Variants in SNTG2 observed in about 807,000 individuals in gnomAD.
The protein encoded by SNTG2 is gamma-2-syntrophin.
In SNTG2, 74 loss-of-function variants were observed where a neutral mutation model predicts 70.9. The observed-to-expected ratio is 1.04, with a 90% CI of 0.86 to 1.27. The LOEUF is 1.27. SNTG2 is among the 50% of genes most tolerant of loss of function. The probability of loss-of-function intolerance (pLI) is 0.00; values close to 1 mark genes in which losing one functional copy is unlikely to be tolerated. For synonymous variants in SNTG2, 278 were observed against 273.8 expected (o/e 1.02, Z -0.15); for missense variants, 717 against 690.7 (o/e 1.04, Z -0.43).
chr2:1,271,206 T>G (rs556769462), intron 14 of SNTG2, among the ~76,000 whole-genome samples: 23 of 152,174 alleles, frequency 1.5e-4, no homozygotes, highest in Non-Finnish European at 2.5e-4. Context: ...CCTTCCATGT[T>G]CCAGCCTCTC....
At position 1,157,430 on chromosome 2, in the gene SNTG2, ACACT is replaced by A. The variant is rs529575532; in HGVS notation, c.412-8114_412-8111del. 2.9e-3 allele frequency among the ~76,000 whole-genome samples: 446 copies of A among 152,320 alleles called. 4 individuals carry two copies. Among genetic ancestry groups the A allele is most frequent in the African/African-American group, 8.9e-3 (369 of 41,568 alleles). On this transcript the variant is annotated intron_variant, in intron 6 of 16. Coordinates refer to ENST00000308624, the MANE Select transcript of SNTG2 (RefSeq NM_018968.4). ...TGCGTACTTGGCAAAAGCCCCCCAG[ACACT>A]CACACGTGCACAAGGATGCCAGACA...
chr2:1,287,620 C>T (rs1214733435), intron 14 of SNTG2, among the ~76,000 whole-genome samples: 1 of 152,176 alleles, frequency 6.6e-6, no homozygotes, highest in East Asian at 1.9e-4. Flanking sequence ...GGAACGTGCT[C>T]CTGATGGTGA....
chr2:1,106,308 A>G (rs73908699), intron 4 of SNTG2, among the ~76,000 whole-genome samples: 22,903 of 75,966 alleles, frequency 0.3, 1,094 homozygotes, highest in East Asian at 0.4. Context: ...GGTGCAGGGT[A>G]TGGAGAGCTC....
chr2:1,296,391 G>A (rs1390733341), intron 14 of SNTG2, among the ~76,000 whole-genome samples: 1 of 152,240 alleles, frequency 6.6e-6, no homozygotes, highest in African/African-American at 2.4e-5. Context: ...GAGGGGCAGA[G>A]GGTTGCAGAA....
chr2:1,031,707 C>T (rs1409603296), intron 1 of SNTG2, among the ~76,000 whole-genome samples: 1 of 151,054 alleles, frequency 6.6e-6, no homozygotes, highest in Non-Finnish European at 1.5e-5. Context: ...ATTTGTTTCA[C>T]ATTTCTATGT....
intron 1 of SNTG2, among the ~76,000 whole-genome samples, chr2:1,002,433 AAGT>A (rs1659426397): frequency 6.6e-6 from 1 of 152,146 alleles, no homozygotes; most frequent in African/African-American, 2.4e-5. Context: ...AAGTAGGCAA[AAGT>A]AGGCAAAAGA....
chr2:1,159,053 C>A, intron 6 of SNTG2, among the ~76,000 whole-genome samples: 1 of 150,946 alleles, frequency 6.6e-6, no homozygotes, highest in Admixed American at 6.6e-5. Context: ...TGTATGTGTC[C>A]ACGGGTGTAC....
intron 1 of SNTG2, among the ~76,000 whole-genome samples, chr2:1,047,283 G>T (rs1442356923): frequency 6.6e-6 from 1 of 152,126 alleles, no homozygotes; most frequent in Non-Finnish European, 1.5e-5. Context: ...TTTGGCTTGG[G>T]TTTCAACTTT....
At chr2:1,096,821 A>T (rs1169979106) in intron 2 of SNTG2, among the ~76,000 whole-genome samples, 1 of 152,186 alleles carries the variant, frequency 6.6e-6, no homozygotes, top group Non-Finnish European at 1.5e-5. Flanking sequence ...GTGCAGTGTC[A>T]CTGGGAAGCA....
intron 1 of SNTG2, among the ~76,000 whole-genome samples, chr2:1,034,241 A>G (rs1661005948): frequency 1.3e-5 from 2 of 152,176 alleles, no homozygotes; most frequent in Non-Finnish European, 1.5e-5. Context: ...TGCTTGGAAT[A>G]ATGGCCTCCA....
At chr2:1,007,305 C>T (rs1467954001) in intron 1 of SNTG2, among the ~76,000 whole-genome samples, 1 of 152,150 alleles carries the variant, frequency 6.6e-6, no homozygotes, top group African/African-American at 2.4e-5. Context: ...CCTAGGCCAT[C>T]ATAAATCACG....
intron 1 of SNTG2, among the ~76,000 whole-genome samples, chr2:1,023,755 T>C (rs1170528667): frequency 6.6e-6 from 1 of 152,128 alleles, no homozygotes; most frequent in Non-Finnish European, 1.5e-5. Context: ...AGCCTTAGGC[T>C]CAATGTCAAG....
intron 1 of SNTG2, among the ~76,000 whole-genome samples, chr2:983,886 A>T: frequency 6.6e-6 from 1 of 152,160 alleles, no homozygotes; most frequent in East Asian, 1.9e-4. Flanking sequence ...TGGGTGCAGA[A>T]CTCACCTGGC....
intron 1 of SNTG2, among the ~76,000 whole-genome samples, chr2:964,890 G>C (rs1443439466): frequency 6.6e-6 from 1 of 152,146 alleles, no homozygotes; most frequent in Non-Finnish European, 1.5e-5. Flanking sequence ...GAACTTGGAA[G>C]ACGGGGAGAA....
intron 1 of SNTG2, among the ~76,000 whole-genome samples, chr2:975,841 T>C (rs1434111939): frequency 6.6e-6 from 1 of 152,238 alleles, no homozygotes; most frequent in African/African-American, 2.4e-5. Context: ...CCCCAAGATC[T>C]CTTTCAAGAT....
At position 1,021,936 on chromosome 2, in the gene SNTG2, CT is replaced by C. The variant is rs71392556; in HGVS notation, c.73-61563del. Among the ~76,000 whole-genome samples, 507 of 121,112 alleles carry C rather than the reference CT, an allele frequency of 4.2e-3. 3 individuals carry two copies. Among genetic ancestry groups the C allele is most frequent in the Middle Eastern group, 0.025 (5 of 202 alleles). The allele number at this position is 121,112 out of a possible 152,430, so 79.5% of individuals were successfully genotyped here. A position where few individuals can be genotyped will look rare whatever the true frequency, so the allele number is the denominator to read the frequency against. ...CCTGGCTTGAATTTTGTTTTATGTGCTTTTTTTTTTTTTTTTTTTAGTGAAA... is the reference window on the plus strand; with the variant it reads ...CCTGGCTTGAATTTTGTTTTATGTGCTTTTTTTTTTTTTTTTTTAGTGAAA... On this transcript the variant is annotated intron_variant, in intron 1 of 16. Transcript: ENST00000308624.
chr2:1,231,759 C>T (rs1009767737), intron 9 of SNTG2, among the ~76,000 whole-genome samples: 1 of 152,152 alleles, frequency 6.6e-6, no homozygotes, highest in Non-Finnish European at 1.5e-5. Flanking sequence ...GTGTAGACAC[C>T]ACCTTCCCGT....
At position 1,097,572 on chromosome 2, in the gene SNTG2, G is replaced by A. The variant is rs1334688604; in HGVS notation, c.211-624G>A. Among the ~76,000 whole-genome samples, 1 of 152,128 alleles carries A rather than the reference G, an allele frequency of 6.6e-6. No individual in the cohort carries two copies. Among genetic ancestry groups the A allele is most frequent in the South Asian group, 2.1e-4 (1 of 4,830 alleles). On this transcript the variant is annotated intron_variant, in intron 2 of 16. Coordinates refer to ENST00000308624, the MANE Select transcript of SNTG2 (RefSeq NM_018968.4). The surrounding 1 kb of genome is among the most constrained non-coding windows in gnomAD (Gnocchi z 4.1). ...TCAGATTAGACCACAGCAAAACATA[G>A]GTGCATGGCTTAATGCGCAAGAGAT...
rs534938664 is a variant in SNTG2 at position 989,700 on chromosome 2, C to T, written c.72+38632C>T. On this transcript the variant is annotated intron_variant, in intron 1 of 16. Transcript: ENST00000308624. ...TTTCGATAATTCTGGCATTATAAAA[C>T]GAGTTGGAACATGTTCCCTCTCCTA... Among the ~76,000 whole-genome samples the T allele has an allele frequency of 2.3e-3, 347 of 152,260 alleles. 1 individual carries two copies. The highest frequency in any genetic ancestry group is 0.012 in the South Asian group (60 of 4,820).
Sources: gnomAD v4.1 joint callset for allele counts (sites outside exome capture counted in the v4.1 genomes callset) on GRCh38, gnomAD v4.1.1 for gene constraint, Gnocchi (gnomAD v3.1) non-coding constraint, MANE v1.5 for transcripts, NCBI Gene and HGNC (gene_info 2026-07-23, HGNC 2026-07-21) for gene names.